Variants in BMPR2 observed in about 807,000 individuals in gnomAD.
The protein encoded by BMPR2 is bone morphogenetic protein receptor type-2.
Under a neutral mutation model 100.8 loss-of-function variants are expected in BMPR2, and 29 were observed. That is an observed-to-expected ratio of 0.29 (90% CI 0.21 to 0.39). The LOEUF is 0.39. Ranked by LOEUF, BMPR2 falls within the 10% of genes least tolerant of loss-of-function variation. BMPR2 has a pLI of 1.00. For synonymous variants in BMPR2, 382 were observed against 442.3 expected (o/e 0.86, Z 1.71); for missense variants, 1,011 against 1,274.5 (o/e 0.79, Z 3.15).
At chr2:202,489,341 A>G (rs1692849870) in intron 3 of BMPR2, among the ~76,000 whole-genome samples, 1 of 152,142 alleles carries the variant, frequency 6.6e-6, no homozygotes, top group Non-Finnish European at 1.5e-5. Context: ...ACTGTTTTTC[A>G]GATTTTAAAG....
intron 1 of BMPR2, among the ~76,000 whole-genome samples, chr2:202,384,171 C>CA (rs1184490809): frequency 3.3e-5 from 5 of 152,054 alleles, no homozygotes; most frequent in African/African-American, 1.2e-4. Context: ...AACTCCATCT[C>CA]AAAAAACAAA....
intron 1 of BMPR2, among the ~76,000 whole-genome samples, chr2:202,409,625 C>A (rs979554044): frequency 6.6e-6 from 1 of 151,988 alleles, no homozygotes; most frequent in African/African-American, 2.4e-5. Flanking sequence ...TGCAGGTCAA[C>A]CAGGATGTGG....
Position 202,532,463 on chromosome 2 carries a change from T to G in BMPR2, c.1129-122T>G. On this transcript the variant is annotated intron_variant, in intron 8 of 12. Coordinates refer to ENST00000374580, the MANE Select transcript of BMPR2 (RefSeq NM_001204.7). This position sits in a 1 kb window ranked among gnomAD's most constrained non-coding sequence, Gnocchi z 4.1. The stretch of plus-strand genomic sequence containing the variant: ...AAAAATAAGTTATAGAAAGGTTTAA[T>G]GACATGGTTAGGGTCAAATAACATT... 1 of 1,227,452 alleles carries G rather than the reference T, an allele frequency of 8.1e-7. No homozygotes were observed. Among genetic ancestry groups the G allele is most frequent in the Non-Finnish European group, 1.2e-6 (1 of 864,616 alleles). The allele number at this position is 1,227,452 out of a possible 1,614,324, so 76.0% of individuals were successfully genotyped here.
intron 1 of BMPR2, among the ~76,000 whole-genome samples, chr2:202,400,098 A>T (rs780901014): frequency 3.9e-5 from 6 of 151,958 alleles, no homozygotes; most frequent in Non-Finnish European, 7.4e-5. Flanking sequence ...TGGGTGACGG[A>T]GCGAGACCCT....
chr2:202,528,178 C>T (rs113061006), intron 7 of BMPR2, among the ~76,000 whole-genome samples: 18,077 of 152,108 alleles, frequency 0.12, 1,189 homozygotes, highest in Admixed American at 0.14. Flanking sequence ...CAGAACGAGA[C>T]CCTGTTTTTA....
Position 202,458,264 on chromosome 2 carries a change from T to A in BMPR2, c.77-6545T>A, listed in dbSNP as rs1364005272. 5.4e-5 allele frequency among the ~76,000 whole-genome samples: 6 copies of A among 111,236 alleles called. No individual in the cohort carries two copies. In the Admixed American group the frequency reaches 8.1e-4, roughly 15 times the overall value. The allele number at this position is 111,236 out of a possible 152,430, so 73.0% of individuals were successfully genotyped here. A position where few individuals can be genotyped will look rare whatever the true frequency, so the allele number is the denominator to read the frequency against. ...GAGTTTGTGACCAGCCTGGGCAACA[T>A]AGCAAGACCTTGTCTCTGCAAAAAA... On this transcript the variant is annotated intron_variant, in intron 1 of 12. Transcript: ENST00000374580.
At chr2:202,514,303 AT>A (rs911327863) in intron 4 of BMPR2, among the ~76,000 whole-genome samples, 3 of 151,928 alleles carry the variant, frequency 2.0e-5, no homozygotes, top group African/African-American at 7.3e-5. Flanking sequence ...CGCCCGGCTA[AT>A]TTTTTGTATT....
rs201930570 is a variant in BMPR2, at chr2:202,486,237, A to G, written c.418+18548A>G. 7.2e-5 allele frequency among the ~76,000 whole-genome samples: 11 copies of G among 152,356 alleles called. No homozygotes were observed. The East Asian group carries it at 2.1e-3, about 29-fold the overall frequency. ...TGGAAGGCATAATGTCATACAGAAA[A>G]GTAGAAAACAGACACAGAATTAGTG... is the stretch of plus-strand genomic sequence containing the variant. On this transcript the variant is annotated intron_variant, in intron 3 of 12. Transcript: ENST00000374580.
rs536333774 is a variant in BMPR2 at position 202,542,118 on chromosome 2, A to G, written c.1277-193A>G. Among the ~76,000 whole-genome samples, 36 of 152,242 alleles carry G rather than the reference A, an allele frequency of 2.4e-4. No homozygotes were observed. The South Asian group carries it at 6.8e-3, about 29-fold the overall frequency. On this transcript the variant is annotated intron_variant, in intron 9 of 12. Coordinates refer to ENST00000374580, the MANE Select transcript of BMPR2 (RefSeq NM_001204.7). ...AGAGTAAGACTCCGTCTAAAAAAAA[A>G]AAAAGAAAAAAAAATCATTAAACCT...
intron 3 of BMPR2, among the ~76,000 whole-genome samples, chr2:202,481,300 T>C (rs1692656847): frequency 6.6e-6 from 1 of 152,090 alleles, no homozygotes; most frequent in South Asian, 2.1e-4. Flanking sequence ...TGCCTCAGCC[T>C]CCCGAGTAGC....
Position 202,448,446 on chromosome 2 carries a change from C to CA in BMPR2, c.77-16353dup, listed in dbSNP as rs1178310357. On this transcript the variant is annotated intron_variant, in intron 1 of 12. Transcript: ENST00000374580. ...TGGGCGACAGAAGGAGACTCCGTCTCAAAAAAAAAATAAAAATAAAAAATA... is the reference window on the plus strand; with the variant it reads ...TGGGCGACAGAAGGAGACTCCGTCTCAAAAAAAAAAATAAAAATAAAAAATA... Among the ~76,000 whole-genome samples, 440 of 119,252 alleles carry CA rather than the reference C, an allele frequency of 3.7e-3. 2 individuals carry two copies. The highest frequency in any genetic ancestry group is 0.012 in the African/African-American group (392 of 32,406). The allele number at this position is 119,252 out of a possible 152,430, so 78.2% of individuals were successfully genotyped here.
intron 3 of BMPR2, among the ~76,000 whole-genome samples, chr2:202,487,507 C>G (rs188461458): frequency 6.6e-6 from 1 of 152,066 alleles, no homozygotes; most frequent in African/African-American, 2.4e-5. Context: ...AAGATAAAAA[C>G]GTAGAGGATA....
rs971023393 is a variant in BMPR2 at position 202,567,134 on chromosome 2, T to A, written c.*7188T>A. On this transcript the variant is annotated 3_prime_UTR_variant, in exon 13 of 13. Transcript: ENST00000374580. ...GCTGGAATCATCCTCAGTTTTTTGC[T>A]GATAATTTTTCAAATAAAGATACAT... is the stretch of plus-strand genomic sequence containing the variant. 6.6e-6 allele frequency: 1 copy of A among 152,370 alleles called. No homozygotes were observed. Among genetic ancestry groups the A allele is most frequent in the Non-Finnish European group, 1.5e-5 (1 of 68,024 alleles). 9.4% of individuals were successfully genotyped at this position (152,370 alleles called of 1,614,324 possible).
At chr2:202,395,218 C>CT (rs947748718) in intron 1 of BMPR2, among the ~76,000 whole-genome samples, 1 of 152,144 alleles carries the variant, frequency 6.6e-6, no homozygotes, top group African/African-American at 2.4e-5. Context: ...CTCATGACTT[C>CT]TTCATGTTGT....
intron 1 of BMPR2, among the ~76,000 whole-genome samples, chr2:202,385,527 G>A (rs572852809): frequency 4.0e-5 from 6 of 151,060 alleles, no homozygotes; most frequent in East Asian, 3.9e-4. Flanking sequence ...CACCATGTCC[G>A]GCTAGTTTTT....
At chr2:202,500,725 T>C (rs1240355939) in intron 3 of BMPR2, among the ~76,000 whole-genome samples, 2 of 152,192 alleles carry the variant, frequency 1.3e-5, no homozygotes, top group African/African-American at 4.8e-5. Flanking sequence ...TGCAAGATCT[T>C]AGACTCATTA....
intron 7 of BMPR2, among the ~76,000 whole-genome samples, chr2:202,523,850 G>T (rs975651526): frequency 6.6e-6 from 1 of 152,072 alleles, no homozygotes; most frequent in Non-Finnish European, 1.5e-5. Flanking sequence ...ACACCATCGA[G>T]TACTACACAG....
Position 202,552,811 on chromosome 2 carries a change from A to T in BMPR2, c.1509A>T (p.Glu503Asp). The change falls in exon 11 of 13, where the codon GAA becomes GAT. Residue 503 changes from glutamate to aspartate, a missense_variant. Transcript: ENST00000374580. ...TAQCAEERMAELMMIWERNKS... is the reference protein window; with the variant it reads ...TAQCAEERMADLMMIWERNKS... ...AGTGTGCTGAGGAAAGGATGGCTGA[A>T]CTTATGATGATTTGGGAAAGAAACA... The T allele has an allele frequency of 6.2e-7, 1 of 1,614,202 alleles. No homozygotes were observed. Among genetic ancestry groups the T allele is most frequent in the Non-Finnish European group, 8.5e-7 (1 of 1,180,024 alleles).
chr2:202,534,147 A>G (rs1041552271), intron 9 of BMPR2, among the ~76,000 whole-genome samples: 4 of 151,040 alleles, frequency 2.6e-5, no homozygotes, highest in African/African-American at 9.7e-5. Context: ...GGCATTACAC[A>G]TTAGTTTATA....
Sources: allele counts gnomAD v4.1 joint callset (sites outside exome capture counted in the v4.1 genomes callset), GRCh38; gene constraint gnomAD v4.1.1; non-coding constraint Gnocchi (gnomAD v3.1); transcripts MANE v1.5; gene names NCBI Gene and HGNC (gene_info 2026-07-23, HGNC 2026-07-21).